The following NDRG4 variants were observed in gnomAD, a reference collection of about 807,000 sequenced individuals.
NDRG4 encodes the protein protein NDRG4.
In NDRG4, 38 loss-of-function variants were observed where a neutral mutation model predicts 55.8. The observed-to-expected ratio is 0.68, with a 90% CI of 0.53 to 0.89. The LOEUF (loss-of-function observed/expected upper bound fraction) is 0.89, where lower values mean the gene tolerates loss of function less well. Ranked by LOEUF, NDRG4 falls within the 40% of genes least tolerant of loss-of-function variation. The pLI, the probability that NDRG4 is intolerant of heterozygous loss-of-function variation, is 0.00. For synonymous variants in NDRG4, 190 were observed against 182.7 expected (o/e 1.04, Z -0.32); for missense variants, 455 against 468.6 (o/e 0.97, Z 0.27).
chr16:58,488,930 A>G (rs1161485164), intron 2 of NDRG4, among the ~76,000 whole-genome samples: 1 of 152,126 alleles, frequency 6.6e-6, no homozygotes, highest in African/African-American at 2.4e-5. Flanking sequence ...AGCCTCCATC[A>G]GCTGCTACCC....
intron 10 of NDRG4, 92 bp downstream of exon 10, chr16:58,508,091 C>T: frequency 4.0e-6 from 5 of 1,240,540 alleles, no homozygotes; most frequent in Admixed American, 2.5e-5. Flanking sequence ...TTGATCCAGC[C>T]CAGGGGAGCC....
At chr16:58,477,532 C>T (rs968450588) in intron 1 of NDRG4, among the ~76,000 whole-genome samples, 12 of 152,126 alleles carry the variant, frequency 7.9e-5, no homozygotes, top group African/African-American at 2.9e-4. Context: ...GCTTTTAACC[C>T]ACAGGGTAAA....
chr16:58,469,941 A>G (rs1054223315), intron 1 of NDRG4, among the ~76,000 whole-genome samples: 10 of 152,226 alleles, frequency 6.6e-5, no homozygotes, highest in Non-Finnish European at 1.5e-4. Context: ...TTTAAACCAG[A>G]ATGTCTTGAC....
intron 1 of NDRG4, chr16:58,465,283 A>G (rs1269936968): frequency 8.4e-6 from 4 of 477,692 alleles, no homozygotes; most frequent in Non-Finnish European, 1.6e-5. Context: ...ACTGCCTTCC[A>G]GGACCTTAAT....
intron 14 of NDRG4, 39 bp downstream of exon 14, chr16:58,510,722 GCCT>G (rs1339857993): frequency 3.3e-6 from 5 of 1,526,996 alleles, no homozygotes; most frequent in Non-Finnish European, 1.8e-6. Context: ...TGGACGCCCA[GCCT>G]CCTCCTCCCC....
At position 58,504,664 on chromosome 16, in the gene NDRG4, G is replaced by GCCCCCATTA; in HGVS notation, c.372+20_372+28dup. 1 of 1,614,128 alleles carries GCCCCCATTA rather than the reference G, an allele frequency of 6.2e-7. No homozygotes were observed. The highest frequency in any genetic ancestry group is 1.1e-5 in the South Asian group (1 of 91,076). On this transcript the variant is annotated intron_variant, in intron 5 of 14. Transcript: ENST00000570248. Reference sequence around the variant, plus strand: ...CCAAGTTTGCAGTGAGTCTCCCCATGCCCCCATTACCCCAAACACCAGGGC... The same window carrying GCCCCCATTA: ...CCAAGTTTGCAGTGAGTCTCCCCATGCCCCCATTACCCCCATTACCCCAAACACCAGGGC...
chr16:58,511,050 G>A (rs2038738744), intron 14 of NDRG4: 2 of 467,932 alleles, frequency 4.3e-6, no homozygotes, highest in East Asian at 6.9e-5. Context: ...GTGAAACTCT[G>A]AATTAGGGAA....
intron 13 of NDRG4, among the ~76,000 whole-genome samples, chr16:58,510,116 G>A (rs1376401843): frequency 6.6e-6 from 1 of 152,202 alleles, no homozygotes; most frequent in Non-Finnish European, 1.5e-5. Flanking sequence ...GGGCAAACAG[G>A]AGGGCTGCCT....
At chr16:58,499,235 C>T (rs2036764090), upstream of NDRG4, 1 of 152,334 alleles carries the variant, frequency 6.6e-6, no homozygotes, top group East Asian at 1.9e-4. Flanking sequence ...CCCCAGAGAC[C>T]CGAGAGCCAA....
At chr16:58,477,486 C>G (rs2033819939) in intron 1 of NDRG4, among the ~76,000 whole-genome samples, 1 of 146,970 alleles carries the variant, frequency 6.8e-6, no homozygotes, top group Non-Finnish European at 1.5e-5. Flanking sequence ...CAAGCCTGGC[C>G]CAGTTTGAAC....
intron 1 of NDRG4, among the ~76,000 whole-genome samples, chr16:58,466,881 TG>T (rs1477218676): frequency 1.8e-4 from 27 of 152,322 alleles, no homozygotes; most frequent in African/African-American, 6.3e-4. Context: ...GCGACACACG[TG>T]GTTGGGACCT....
intron 1 of NDRG4, among the ~76,000 whole-genome samples, chr16:58,503,141 T>C (rs897882094): frequency 2.6e-5 from 4 of 151,840 alleles, no homozygotes; most frequent in African/African-American, 4.8e-5. Context: ...AAACCAAAGG[T>C]GTGAACTCAA....
At chr16:58,497,019 A>C (rs949633123), upstream of NDRG4, 1 of 152,100 alleles carries the variant, frequency 6.6e-6, no homozygotes, top group African/African-American at 2.4e-5. Flanking sequence ...ACTTAAAAAT[A>C]TTTTCCAAAA....
intron 1 of NDRG4, among the ~76,000 whole-genome samples, chr16:58,476,531 A>G (rs1355628354): frequency 6.7e-6 from 1 of 149,634 alleles, no homozygotes; most frequent in Non-Finnish European, 1.5e-5. Flanking sequence ...CTTTTTTTTC[A>G]TACTTTAACA....
At chr16:58,477,787 G>C (rs1356688782) in intron 1 of NDRG4, among the ~76,000 whole-genome samples, 1 of 151,138 alleles carries the variant, frequency 6.6e-6, no homozygotes, top group Non-Finnish European at 1.5e-5. Flanking sequence ...GGTGGAGGGG[G>C]TGGGGAAGTA....
rs1300996333 is a variant in NDRG4, at chr16:58,500,235, C to T, written c.-14C>T. ...TGTCCTTCCTGGTAGAGGCGGGTTC[C>T]CTCCCTCGGCAAGATGCCGGAGTGC... is the stretch of plus-strand genomic sequence containing the variant. On this transcript the variant is annotated 5_prime_UTR_variant, in exon 1 of 15. Transcript: ENST00000570248. The T allele has an allele frequency of 1.3e-5, 20 of 1,535,936 alleles. No individual in the cohort carries two copies. Among genetic ancestry groups the T allele is most frequent in the Non-Finnish European group, 1.7e-5 (20 of 1,146,868 alleles).
intron 2 of NDRG4, among the ~76,000 whole-genome samples, chr16:58,493,077 T>C (rs1597210459): frequency 6.6e-6 from 1 of 152,218 alleles, no homozygotes; most frequent in East Asian, 1.9e-4. Context: ...CCTGGCCTGC[T>C]GGAATGCAGG....
At chr16:58,507,106 C>G (rs2038142752) in intron 8 of NDRG4, 91 bp downstream of exon 8, 1 of 1,006,564 alleles carries the variant, frequency 9.9e-7, no homozygotes, top group African/African-American at 1.6e-5. Flanking sequence ...AGACAACACC[C>G]TTGCCCTGGT....
intron 4 of NDRG4, 84 bp downstream of exon 4, chr16:58,504,505 A>T: frequency 6.2e-7 from 1 of 1,611,662 alleles, no homozygotes; most frequent in Non-Finnish European, 8.5e-7. Flanking sequence ...TGAGGGCTTC[A>T]GGCTATGGGC....
Sources: gnomAD v4.1 joint callset for allele counts (sites outside exome capture counted in the v4.1 genomes callset) on GRCh38, gnomAD v4.1.1 for gene constraint, MANE v1.5 for transcripts, NCBI Gene and HGNC (gene_info 2026-07-23, HGNC 2026-07-21) for gene names.